The following EEIG1 variants were observed in gnomAD, a reference collection of about 807,000 sequenced individuals.
EEIG1 encodes the protein estrogen-induced osteoclastogenesis regulator 1.
the EEIG1 span, among the ~76,000 whole-genome samples, chr9:127,952,080 G>A: frequency 6.6e-6 from 1 of 152,368 alleles, no homozygotes; most frequent in East Asian, 1.9e-4. Context: ...GCCAGTGGAG[G>A]TGAGATGCTC....
At chr9:127,952,945 G>C in the EEIG1 span, among the ~76,000 whole-genome samples, 3 of 152,148 alleles carry the variant, frequency 2.0e-5, no homozygotes, top group African/African-American at 7.2e-5. Flanking sequence ...TTGAACTCCT[G>C]AGCTCAGGCA....
At chr9:127,962,198 G>A in the EEIG1 span, among the ~76,000 whole-genome samples, 1 of 152,206 alleles carries the variant, frequency 6.6e-6, no homozygotes, top group Non-Finnish European at 1.5e-5. Context: ...ATTTTTTAAA[G>A]TGACATATGT....
the EEIG1 span, among the ~76,000 whole-genome samples, chr9:127,974,569 G>A: frequency 6.6e-6 from 1 of 152,190 alleles, no homozygotes; most frequent in Non-Finnish European, 1.5e-5. Context: ...ATGAGGACAA[G>A]GACCATGCCC....
the EEIG1 span, among the ~76,000 whole-genome samples, chr9:127,977,914 T>G: frequency 6.6e-6 from 1 of 152,144 alleles, no homozygotes. Flanking sequence ...CCAGCACCAA[T>G]GGTAGCTGGT....
chr9:127,949,377 C>G, the EEIG1 span, among the ~76,000 whole-genome samples: 1 of 151,548 alleles, frequency 6.6e-6, no homozygotes, highest in Non-Finnish European at 1.5e-5. Flanking sequence ...CTTATTCACT[C>G]GGCCATGAAA....
At chr9:127,969,368 G>T in the EEIG1 span, among the ~76,000 whole-genome samples, 1 of 152,168 alleles carries the variant, frequency 6.6e-6, no homozygotes, top group African/African-American at 2.4e-5. Context: ...AACAATTACA[G>T]GGACAGAGGG....
chr9:127,954,671 G>A, the EEIG1 span, among the ~76,000 whole-genome samples: 1 of 152,106 alleles, frequency 6.6e-6, no homozygotes, highest in Non-Finnish European at 1.5e-5. Flanking sequence ...AAGAAACTGG[G>A]GGCCCGGAGG....
At chr9:127,956,539 T>G in the EEIG1 span, among the ~76,000 whole-genome samples, 1 of 151,762 alleles carries the variant, frequency 6.6e-6, no homozygotes, top group Non-Finnish European at 1.5e-5. Context: ...GCCTCCTGAG[T>G]AGCTGGGATT....
the EEIG1 span, among the ~76,000 whole-genome samples, chr9:127,978,844 A>G: frequency 6.6e-6 from 1 of 152,060 alleles, no homozygotes; most frequent in Non-Finnish European, 1.5e-5. Flanking sequence ...CTAAAAAATA[A>G]ACAAAATTAA....
At chr9:127,951,456 G>A in the EEIG1 span, among the ~76,000 whole-genome samples, 8 of 152,310 alleles carry the variant, frequency 5.3e-5, no homozygotes, top group Non-Finnish European at 2.9e-5. Flanking sequence ...TCCAGAATCA[G>A]GGAATTGGAT....
the EEIG1 span, chr9:127,941,731 A>C: frequency 1.3e-5 from 2 of 152,240 alleles, no homozygotes; most frequent in South Asian, 4.1e-4. Context: ...AGAAGCCCCC[A>C]TCCCGGCCCC....
the EEIG1 span, among the ~76,000 whole-genome samples, chr9:127,956,536 G>T: frequency 6.6e-6 from 1 of 151,478 alleles, no homozygotes; most frequent in Non-Finnish European, 1.5e-5. Context: ...TCAGCCTCCT[G>T]AGTAGCTGGG....
the EEIG1 span, chr9:127,945,314 G>T: frequency 7.3e-7 from 1 of 1,374,618 alleles, no homozygotes; most frequent in Non-Finnish European, 9.9e-7. The surrounding 1 kb of genome is among the most constrained non-coding windows in gnomAD (Gnocchi z 6.5). Flanking sequence ...GGAGGTTCAA[G>T]GCACCACCGG....
chr9:127,961,621 T>C, the EEIG1 span, among the ~76,000 whole-genome samples: 1 of 152,056 alleles, frequency 6.6e-6, no homozygotes, highest in Non-Finnish European at 1.5e-5. Context: ...ACCAGGCAAA[T>C]GCATACCAGC....
At chr9:127,953,177 A>G in the EEIG1 span, 1 of 212,160 alleles carries the variant, frequency 4.7e-6, no homozygotes. Flanking sequence ...CAGTACACAC[A>G]GAGGGTGCTC....
At chr9:127,975,041 G>T in the EEIG1 span, among the ~76,000 whole-genome samples, 1 of 152,234 alleles carries the variant, frequency 6.6e-6, no homozygotes, top group Non-Finnish European at 1.5e-5. Context: ...CTGTGAGCAG[G>T]CCTCCCCCGG....
chr9:127,953,710 G>A, the EEIG1 span: 1 of 1,608,638 alleles, frequency 6.2e-7, no homozygotes. Context: ...GCAACGGGCA[G>A]AGCAACTCAC....
At chr9:127,962,282 G>A in the EEIG1 span, among the ~76,000 whole-genome samples, 1 of 152,244 alleles carries the variant, frequency 6.6e-6, no homozygotes, top group Non-Finnish European at 1.5e-5. Flanking sequence ...CTGGCCACTG[G>A]AGTGTCTGGA....
At chr9:127,967,231 C>T in the EEIG1 span, among the ~76,000 whole-genome samples, 1 of 152,194 alleles carries the variant, frequency 6.6e-6, no homozygotes, top group Non-Finnish European at 1.5e-5. Flanking sequence ...GGCCCCCCAG[C>T]AGGCAAGCTC....
Sources: gnomAD v4.1 joint callset for allele counts (sites outside exome capture counted in the v4.1 genomes callset) on GRCh38, gnomAD v4.1.1 for gene constraint, Gnocchi (gnomAD v3.1) non-coding constraint, MANE v1.5 for transcripts, NCBI Gene and HGNC (gene_info 2026-07-23, HGNC 2026-07-21) for gene names.